DENND2B: variants seen among roughly 807,000 people sequenced by gnomAD.
The protein encoded by DENND2B is DENN domain containing 2B.
In DENND2B, 32 loss-of-function variants were observed where a neutral mutation model predicts 116.0. The ratio of observed to expected loss-of-function variants is 0.28; its 90% CI spans 0.21 to 0.37. The LOEUF is 0.37. Ranked by LOEUF, DENND2B falls within the 10% of genes least tolerant of loss-of-function variation. The pLI is 1.00. For synonymous variants in DENND2B, 588 were observed against 583.9 expected (o/e 1.01, Z -0.10); for missense variants, 1,276 against 1,477.7 (o/e 0.86, Z 2.24).
intron 1 of DENND2B, among the ~76,000 whole-genome samples, chr11:8,884,321 TTTGTTG>T (rs1353856168): frequency 6.6e-6 from 1 of 152,118 alleles, no homozygotes; most frequent in Non-Finnish European, 1.5e-5. Context: ...CCTTTGTTTT[TTTGTTG>T]TTGTTGTTGT....
intron 1 of DENND2B, among the ~76,000 whole-genome samples, chr11:8,770,645 T>G (rs1305684141): frequency 6.6e-6 from 1 of 152,144 alleles, no homozygotes; most frequent in Admixed American, 6.5e-5. Flanking sequence ...CTATAGTCAG[T>G]CTATGGAACC....
chr11:8,878,341 A>G (rs1229647835), intron 2 of DENND2B, among the ~76,000 whole-genome samples: 2 of 152,222 alleles, frequency 1.3e-5, no homozygotes, highest in Non-Finnish European at 2.9e-5. Context: ...GCAGCACTAT[A>G]TACAGGACCA....
chr11:8,712,728 T>A lies in DENND2B; in HGVS notation c.1995A>T (p.Thr665=), dbSNP rs774024518. 5 of 1,609,768 alleles carry A rather than the reference T, an allele frequency of 3.1e-6. No homozygotes were observed. The highest frequency in any genetic ancestry group is 4.2e-6 in the Non-Finnish European group (5 of 1,177,846). ...TCGACTGGATGTGGACCAGGCGCTG[T>A]GTGTGGGCTGGAGGCAGGTTGCACA... is the stretch of plus-strand genomic sequence containing the variant. ...SDSDDRFKAH[T]QRLVHIQSML... The change falls in exon 9 of 20, where the codon ACA becomes ACT. Residue 665 remains threonine (T), a synonymous_variant. Transcript: ENST00000313726. This position sits in a 1 kb window ranked among gnomAD's most constrained non-coding sequence, Gnocchi z 4.4.
At chr11:8,724,344 C>G (rs1334240879) in intron 4 of DENND2B, among the ~76,000 whole-genome samples, 1 of 152,076 alleles carries the variant, frequency 6.6e-6, no homozygotes, top group African/African-American at 2.4e-5. Context: ...AGGTTTCCCT[C>G]TACCCTGGGC....
chr11:8,711,036 A>G, intron 10 of DENND2B, 86 bp downstream of exon 10: 1 of 1,556,214 alleles, frequency 6.4e-7, no homozygotes, highest in South Asian at 1.1e-5. Flanking sequence ...AGAGGATGAG[A>G]CTAGAGCAGG....
chr11:8,890,931 C>A (rs570495494), intron 1 of DENND2B, among the ~76,000 whole-genome samples: 8 of 152,244 alleles, frequency 5.3e-5, no homozygotes, highest in Admixed American at 1.3e-4. Context: ...CTCCAAGACA[C>A]ATAATTGTCA....
chr11:8,827,882 C>A (rs2062039164), intron 4 of DENND2B, among the ~76,000 whole-genome samples: 1 of 152,132 alleles, frequency 6.6e-6, no homozygotes, highest in South Asian at 2.1e-4. Context: ...AATAAAATAA[C>A]AATTTGCCAG....
intron 1 of DENND2B, among the ~76,000 whole-genome samples, chr11:8,897,957 G>C (rs937169737): frequency 6.6e-6 from 1 of 152,080 alleles, no homozygotes; most frequent in African/African-American, 2.4e-5. Context: ...AATTTCTTGC[G>C]AAGACAGGGC....
intron 1 of DENND2B, among the ~76,000 whole-genome samples, chr11:8,783,417 A>T (rs1842971709): frequency 6.6e-6 from 1 of 152,232 alleles, no homozygotes; most frequent in African/African-American, 2.4e-5. Flanking sequence ...ATTATAGAGT[A>T]GCTCTGTATG....
chr11:8,871,351 A>T (rs1329108420), exon 1 of DENND2B: 2 of 152,310 alleles, frequency 1.3e-5, no homozygotes. Flanking sequence ...CCATCCGACC[A>T]AGAGTTGTCT....
intron 2 of DENND2B, among the ~76,000 whole-genome samples, chr11:8,868,176 G>A (rs974566439): frequency 6.6e-6 from 1 of 152,190 alleles, no homozygotes; most frequent in African/African-American, 2.4e-5. Context: ...TTTACCCAGT[G>A]AACCAAGCTA....
intron 3 of DENND2B, among the ~76,000 whole-genome samples, chr11:8,841,816 C>T (rs1184023726): frequency 2.0e-5 from 3 of 152,204 alleles, no homozygotes; most frequent in Non-Finnish European, 4.4e-5. Flanking sequence ...CGGAAACAGT[C>T]TGAGCAACTC....
At position 8,712,107 on chromosome 11, in the gene DENND2B, C is replaced by T. The variant is rs1048398409; in HGVS notation, c.2172+444G>A. On this transcript the variant is annotated intron_variant, in intron 9 of 19. Coordinates refer to ENST00000313726, the MANE Select transcript of DENND2B (RefSeq NM_213618.2). The surrounding 1 kb of genome is among the most constrained non-coding windows in gnomAD (Gnocchi z 4.4). ...AGAAGAGGGAGGCCAGGCTGGCTGG[C>T]GACAAGCAGGGAAGGCGGAGTGAGA... 18 of 400,794 alleles carry T rather than the reference C, an allele frequency of 4.5e-5. No individual in the cohort carries two copies. The highest frequency in any genetic ancestry group is 1.0e-4 in the African/African-American group (5 of 48,500). 24.8% of individuals were successfully genotyped at this position (400,794 alleles called of 1,614,324 possible).
chr11:8,784,443 G>C (rs949411420), intron 1 of DENND2B: 1 of 150,976 alleles, frequency 6.6e-6, no homozygotes, highest in Admixed American at 6.6e-5. Flanking sequence ...AAAAAAAAAG[G>C]GTGTCAAAGG....
chr11:8,906,431 C>T (rs2064238753), intron 1 of DENND2B, among the ~76,000 whole-genome samples: 1 of 148,886 alleles, frequency 6.7e-6, no homozygotes, highest in Non-Finnish European at 1.5e-5. Flanking sequence ...AATCTCCTGG[C>T]CTCGTGATCT....
intron 1 of DENND2B, chr11:8,895,581 G>C (rs1405105851): frequency 6.6e-6 from 1 of 152,124 alleles, no homozygotes; most frequent in Non-Finnish European, 1.5e-5. Flanking sequence ...GCTTCCAGGG[G>C]CTGGGAGTAG....
chr11:8,706,787 A>T (rs144066079), intron 13 of DENND2B, among the ~76,000 whole-genome samples: 1 of 152,214 alleles, frequency 6.6e-6, no homozygotes, highest in Admixed American at 6.5e-5. Context: ...GTCTGGCGCA[A>T]TCCCTGATTG....
At chr11:8,747,608 T>C (rs558382696) in intron 2 of DENND2B, among the ~76,000 whole-genome samples, 8 of 151,630 alleles carry the variant, frequency 5.3e-5, no homozygotes, top group African/African-American at 1.9e-4. Flanking sequence ...ACCCCCAGAG[T>C]GGGATGCAGC....
At chr11:8,897,421 T>C (rs943571007) in intron 1 of DENND2B, among the ~76,000 whole-genome samples, 1 of 152,220 alleles carries the variant, frequency 6.6e-6, no homozygotes, top group Non-Finnish European at 1.5e-5. Context: ...ACATAGTAGT[T>C]CTATCAGGAC....
Sources: gnomAD v4.1 joint callset for allele counts (sites outside exome capture counted in the v4.1 genomes callset) on GRCh38, gnomAD v4.1.1 for gene constraint, Gnocchi (gnomAD v3.1) non-coding constraint, MANE v1.5 for transcripts, NCBI Gene and HGNC (gene_info 2026-07-23, HGNC 2026-07-21) for gene names.